PEBP4: variants seen among roughly 807,000 people sequenced by gnomAD.
PEBP4 encodes phosphatidylethanolamine-binding protein 4.
PEBP4 carries 22 observed loss-of-function variants against 23.9 expected under a neutral mutation model. The observed-to-expected ratio is 0.92, with a 90% CI of 0.66 to 1.31. PEBP4 has a LOEUF of 1.31. Ranked by LOEUF, PEBP4 falls within the 40% of genes most tolerant of loss-of-function variation. The pLI is 0.00. For missense variants in PEBP4, 324 were observed against 281.7 expected, an observed-to-expected ratio of 1.15 and a Z score of -1.07; for synonymous variants, 112 against 99.3, an observed-to-expected ratio of 1.13 and a Z score of -0.76.
intron 6 of PEBP4, among the ~76,000 whole-genome samples, chr8:22,722,316 T>C (rs772913634): frequency 3.3e-5 from 5 of 152,220 alleles, no homozygotes; most frequent in Non-Finnish European, 7.3e-5. Flanking sequence ...GAGAAATTTG[T>C]AGATCATCTG....
intron 4 of PEBP4, among the ~76,000 whole-genome samples, chr8:22,784,020 G>T (rs1478134883): frequency 6.6e-6 from 1 of 152,242 alleles, no homozygotes; most frequent in African/African-American, 2.4e-5. Flanking sequence ...ACCCCAGAGT[G>T]GCTCTCATTG....
intron 3 of PEBP4, among the ~76,000 whole-genome samples, chr8:22,834,942 C>G (rs902539262): frequency 1.3e-5 from 2 of 152,192 alleles, no homozygotes; most frequent in African/African-American, 4.8e-5. Context: ...TGACACAAAC[C>G]AACCCCTTAG....
At chr8:22,871,468 TC>T (rs1231606286) in intron 3 of PEBP4, among the ~76,000 whole-genome samples, 3 of 152,134 alleles carry the variant, frequency 2.0e-5, no homozygotes, top group Non-Finnish European at 4.4e-5. Flanking sequence ...TCTTTTTTTT[TC>T]ATTTTTATTT....
At chr8:22,852,609 G>A (rs1409954924) in intron 3 of PEBP4, among the ~76,000 whole-genome samples, 2 of 151,918 alleles carry the variant, frequency 1.3e-5, no homozygotes, top group Non-Finnish European at 2.9e-5. Context: ...TGGTTCCAAC[G>A]GAGTCTTTTG....
rs993995317 is a variant in PEBP4 at position 22,879,876 on chromosome 8, G to A, written c.258+40308C>T. On this transcript the variant is annotated intron_variant, in intron 3 of 6. Transcript: ENST00000256404. Reference sequence around the variant, plus strand: ...ACAGAAGAAAAAAATTTTCTGGTGTGTTTATTTCATGGCAAAATATGGTAA... The same window carrying A: ...ACAGAAGAAAAAAATTTTCTGGTGTATTTATTTCATGGCAAAATATGGTAA... 1.1e-4 allele frequency among the ~76,000 whole-genome samples: 16 copies of A among 152,224 alleles called. 1 individual carries two copies. Among genetic ancestry groups the A allele is most frequent in the Non-Finnish European group, 4.4e-5 (3 of 68,034 alleles).
chr8:22,863,943 C>T (rs1016940754), intron 3 of PEBP4, among the ~76,000 whole-genome samples: 10 of 152,174 alleles, frequency 6.6e-5, no homozygotes, highest in Non-Finnish European at 1.3e-4. Flanking sequence ...CTGGTCCGGA[C>T]TTTTATCATC....
intron 3 of PEBP4, chr8:22,884,029 G>A (rs1395446833): frequency 6.6e-6 from 1 of 152,198 alleles, no homozygotes; most frequent in Non-Finnish European, 1.5e-5. Context: ...TCTGAGAAGG[G>A]AACCAGGGAA....
At chr8:22,725,163 G>A (rs1337286033) in intron 5 of PEBP4, among the ~76,000 whole-genome samples, 1 of 152,042 alleles carries the variant, frequency 6.6e-6, no homozygotes. Flanking sequence ...GAGAGTGGGG[G>A]AGGAGGTGGT....
intron 4 of PEBP4, among the ~76,000 whole-genome samples, chr8:22,786,160 A>C (rs1806022716): frequency 6.6e-6 from 1 of 152,098 alleles, no homozygotes. Flanking sequence ...TTTGTTCTGG[A>C]GGGGCTCTGG....
chr8:22,727,371 G>C (rs1235458453), intron 4 of PEBP4, 151 bp from the exon 5 acceptor site: 6 of 764,402 alleles, frequency 7.8e-6, no homozygotes, highest in Non-Finnish European at 1.3e-5. Flanking sequence ...AGGAAAATGG[G>C]AGAGCAGGAG....
At chr8:22,803,866 G>A (rs1465291345) in intron 4 of PEBP4, among the ~76,000 whole-genome samples, 1 of 152,078 alleles carries the variant, frequency 6.6e-6, no homozygotes, top group African/African-American at 2.4e-5. Context: ...CTAATTCATT[G>A]GCACGTCCTG....
At chr8:22,751,786 G>C (rs543397095) in intron 4 of PEBP4, among the ~76,000 whole-genome samples, 1 of 152,334 alleles carries the variant, frequency 6.6e-6, no homozygotes, top group East Asian at 1.9e-4. Flanking sequence ...AGAGGCCCCA[G>C]ATGTGGATGG....
intron 3 of PEBP4, among the ~76,000 whole-genome samples, chr8:22,822,297 T>A (rs1463618873): frequency 6.6e-6 from 1 of 150,660 alleles, no homozygotes; most frequent in East Asian, 1.9e-4. Flanking sequence ...CCCAAGAAAA[T>A]CTCCAAGGAC....
intron 4 of PEBP4, among the ~76,000 whole-genome samples, chr8:22,754,618 C>T (rs960646401): frequency 1.3e-5 from 2 of 152,186 alleles, no homozygotes; most frequent in African/African-American, 2.4e-5. Flanking sequence ...AGAAACTGCA[C>T]ACCCTGACTT....
At chr8:22,873,350 C>T (rs914406637) in intron 3 of PEBP4, among the ~76,000 whole-genome samples, 2 of 152,248 alleles carry the variant, frequency 1.3e-5, no homozygotes, top group Non-Finnish European at 1.5e-5. Flanking sequence ...CCATGCTGGC[C>T]AGGCACAGTG....
chr8:22,813,686 G>T (rs915989014), intron 4 of PEBP4, among the ~76,000 whole-genome samples: 1 of 152,192 alleles, frequency 6.6e-6, no homozygotes, highest in Non-Finnish European at 1.5e-5. Context: ...CACTGCAGTC[G>T]GGGAGAAAGA....
intron 1 of PEBP4, among the ~76,000 whole-genome samples, chr8:22,938,478 G>T (rs1809568843): frequency 6.6e-6 from 1 of 151,978 alleles, no homozygotes; most frequent in Admixed American, 6.6e-5. Flanking sequence ...CTTCCACCAG[G>T]ACAGTATAAT....
In PEBP4 at chr8:22,927,689, G is replaced by C; in HGVS notation, c.26C>G (p.Thr9Arg). ...CATGAGACCCAGTAACAGTGCTGCT[G>C]TGACCAGCCTCATTGTCCAACCCAT... The part of the protein sequence containing the change: MGWTMRLV[T>R]AALLLGLMMV... Residue 9 changes from threonine to arginine, a missense_variant, in exon 2 of 7, where the codon ACA becomes AGA. Coordinates refer to ENST00000256404, the MANE Select transcript of PEBP4 (RefSeq NM_144962.3). 6.2e-7 allele frequency: 1 copy of C among 1,613,948 alleles called. No individual in the cohort carries two copies. Among genetic ancestry groups the C allele is most frequent in the African/African-American group, 1.3e-5 (1 of 75,054 alleles).
intron 6 of PEBP4, among the ~76,000 whole-genome samples, chr8:22,723,221 T>C (rs772418211): frequency 6.6e-5 from 10 of 152,108 alleles, no homozygotes; most frequent in Middle Eastern, 3.2e-3. Context: ...TTGGCTTCCT[T>C]GCCTGGTCAC....
Sources: allele counts gnomAD v4.1 joint callset (sites outside exome capture counted in the v4.1 genomes callset), GRCh38; gene constraint gnomAD v4.1.1; transcripts MANE v1.5; gene names NCBI Gene and HGNC (gene_info 2026-07-23, HGNC 2026-07-21).